Variants in PIP4K2A observed in about 807,000 individuals in gnomAD.
The protein encoded by PIP4K2A is phosphatidylinositol-5-phosphate 4-kinase type 2 alpha.
PIP4K2A carries 14 observed loss-of-function variants against 42.9 expected under a neutral mutation model. That is an observed-to-expected ratio of 0.33 (90% CI 0.22 to 0.51). PIP4K2A has a LOEUF of 0.51. PIP4K2A is among the 20% of genes least tolerant of loss of function. The pLI is 0.97. For missense variants in PIP4K2A, 434 were observed against 519.8 expected (o/e 0.83, Z 1.61); for synonymous variants, 192 against 192.2 (o/e 1.00, Z 0.01).
chr10:22,699,491 G>A (rs1283184243), intron 1 of PIP4K2A, among the ~76,000 whole-genome samples: 1 of 151,824 alleles, frequency 6.6e-6, no homozygotes. Flanking sequence ...CTAGATACCT[G>A]GGAATGTGCG....
chr10:22,576,661 TTAGTTA>T (rs1837131817), intron 4 of PIP4K2A, among the ~76,000 whole-genome samples: 1 of 152,164 alleles, frequency 6.6e-6, no homozygotes, highest in South Asian at 2.1e-4. Context: ...ATTAAATGAG[TTAGTTA>T]TAAAGTTTTT....
At position 22,664,052 on chromosome 10, in the gene PIP4K2A, T is replaced by TATATATATATAC. The variant is rs1564459697; in HGVS notation, c.144+50130_144+50131insGTATATATATAT. The stretch of plus-strand genomic sequence containing the variant: ...ATATACATATATATATATATACATA[T>TATATATATATAC]GTATATATACATATATATATATACG... On this transcript the variant is annotated intron_variant, in intron 1 of 9. Transcript: ENST00000376573. Among the ~76,000 whole-genome samples, 8 of 85,964 alleles carry TATATATATATAC rather than the reference T, an allele frequency of 9.3e-5. 1 individual carries two copies. Among genetic ancestry groups the TATATATATATAC allele is most frequent in the African/African-American group, 7.1e-4 (8 of 11,340 alleles). 56.4% of individuals were successfully genotyped at this position (85,964 alleles called of 152,430 possible).
intron 3 of PIP4K2A, among the ~76,000 whole-genome samples, chr10:22,598,350 T>A (rs1330067195): frequency 6.6e-6 from 1 of 152,184 alleles, no homozygotes; most frequent in Non-Finnish European, 1.5e-5. Flanking sequence ...AGACAGAGAC[T>A]CTGTTAAAAA....
chr10:22,547,317 G>A (rs1184804938), intron 7 of PIP4K2A, among the ~76,000 whole-genome samples: 1 of 152,188 alleles, frequency 6.6e-6, no homozygotes, highest in East Asian at 1.9e-4. Flanking sequence ...GCTCTCACAG[G>A]TATTTTTAAC....
intron 1 of PIP4K2A, among the ~76,000 whole-genome samples, chr10:22,645,232 G>A (rs542162413): frequency 6.6e-6 from 1 of 152,190 alleles, no homozygotes; most frequent in Non-Finnish European, 1.5e-5. Context: ...AACACCACTA[G>A]TGTGTCTGGT....
intron 9 of PIP4K2A, among the ~76,000 whole-genome samples, chr10:22,537,914 G>A (rs908217706): frequency 2.0e-5 from 3 of 152,172 alleles, no homozygotes; most frequent in African/African-American, 7.2e-5. Context: ...ACTTCCCTCT[G>A]CAGCAGCACA....
intron 1 of PIP4K2A, among the ~76,000 whole-genome samples, chr10:22,680,149 C>T (rs75816749): frequency 0.061 from 9,197 of 151,656 alleles, 408 homozygotes; most frequent in African/African-American, 0.12. Flanking sequence ...AAATGAAGAC[C>T]ATGCACTACT....
At chr10:22,704,412 C>A (rs1258576261) in intron 1 of PIP4K2A, among the ~76,000 whole-genome samples, 1 of 152,026 alleles carries the variant, frequency 6.6e-6, no homozygotes, top group Admixed American at 6.6e-5. Context: ...AGGAGATCAT[C>A]GCAGGTAAGT....
At chr10:22,614,752 A>AAT (rs1838138168) in intron 1 of PIP4K2A, among the ~76,000 whole-genome samples, 1 of 152,168 alleles carries the variant, frequency 6.6e-6, no homozygotes, top group African/African-American at 2.4e-5. Context: ...AGAGCTGCTT[A>AAT]ATAACTGAAA....
intron 1 of PIP4K2A, chr10:22,661,716 C>T (rs1450846539): frequency 6.6e-6 from 1 of 152,146 alleles, no homozygotes; most frequent in Non-Finnish European, 1.5e-5. Context: ...AAGGGACTTG[C>T]TTTTCATTGC....
chr10:22,681,078 C>T (rs1839650816), intron 1 of PIP4K2A, among the ~76,000 whole-genome samples: 1 of 152,208 alleles, frequency 6.6e-6, no homozygotes, highest in South Asian at 2.1e-4. Flanking sequence ...TGTATCCTCC[C>T]AGTGACTCCC....
At chr10:22,708,327 T>C in intron 1 of PIP4K2A, among the ~76,000 whole-genome samples, 1 of 152,176 alleles carries the variant, frequency 6.6e-6, no homozygotes, top group Middle Eastern at 3.2e-3. Flanking sequence ...TCTTCCTCTG[T>C]CCTTCCCTCA....
intron 4 of PIP4K2A, among the ~76,000 whole-genome samples, chr10:22,580,465 C>T (rs1333477606): frequency 6.6e-6 from 1 of 151,898 alleles, no homozygotes; most frequent in African/African-American, 2.4e-5. Context: ...ACCTGGCCAA[C>T]ATGGCGAAAC....
At chr10:22,551,319 A>T (rs894182245) in intron 6 of PIP4K2A, among the ~76,000 whole-genome samples, 1 of 152,142 alleles carries the variant, frequency 6.6e-6, no homozygotes, top group Non-Finnish European at 1.5e-5. Context: ...TGCCCTTCCA[A>T]GCCTTCCTGT....
At chr10:22,703,646 A>G (rs1833757469) in intron 1 of PIP4K2A, among the ~76,000 whole-genome samples, 2 of 152,192 alleles carry the variant, frequency 1.3e-5, no homozygotes, top group African/African-American at 4.8e-5. Context: ...AATGCAATGT[A>G]AAGCCTTTGG....
At position 22,663,665 on chromosome 10, in the gene PIP4K2A, A is replaced by G. The variant is rs560997925; in HGVS notation, c.144+50518T>C. ...GTCACTATAAATGTTTTTGATATAT[A>G]TTCTTCTAGACATTTTTCTATACAG... On this transcript the variant is annotated intron_variant, in intron 1 of 9. Coordinates refer to ENST00000376573, the MANE Select transcript of PIP4K2A (RefSeq NM_005028.5). 1.0e-3 allele frequency among the ~76,000 whole-genome samples: 154 copies of G among 152,264 alleles called. 1 individual carries two copies. The highest frequency in any genetic ancestry group is 3.2e-3 in the African/African-American group (133 of 41,580).
intron 3 of PIP4K2A, among the ~76,000 whole-genome samples, chr10:22,595,478 G>GGCAGCACAGT (rs1209360566): frequency 1.3e-5 from 2 of 152,140 alleles, no homozygotes; most frequent in African/African-American, 2.4e-5. Flanking sequence ...TGTTTTTAAA[G>GGCAGCACAGT]GCAGCACAGT....
At chr10:22,576,838 G>A (rs1837135266) in intron 4 of PIP4K2A, among the ~76,000 whole-genome samples, 2 of 152,136 alleles carry the variant, frequency 1.3e-5, no homozygotes, top group African/African-American at 2.4e-5. Context: ...CACCCTGGGA[G>A]GCCAAGGTGG....
At chr10:22,538,344 ATT>A (rs1564410199) in intron 9 of PIP4K2A, among the ~76,000 whole-genome samples, 103 of 151,998 alleles carry the variant, frequency 6.8e-4, no homozygotes, top group East Asian at 3.1e-3. Context: ...ATGGAGCCAT[ATT>A]GGCTAGGATA....
Sources: allele counts gnomAD v4.1 joint callset (sites outside exome capture counted in the v4.1 genomes callset), GRCh38; gene constraint gnomAD v4.1.1; transcripts MANE v1.5; gene names NCBI Gene and HGNC (gene_info 2026-07-23, HGNC 2026-07-21).